Variants in NDUFS4 observed in about 807,000 individuals in gnomAD.
NDUFS4 encodes the protein NADH dehydrogenase [ubiquinone] iron-sulfur protein 4, mitochondrial.
Under a neutral mutation model 24.3 loss-of-function variants are expected in NDUFS4, and 28 were observed. That is an observed-to-expected ratio of 1.15 (90% CI 0.85 to 1.58). The LOEUF is 1.58. Among genes scored for constraint, NDUFS4 ranks in the 40% most tolerant of loss-of-function variants. The pLI is 0.00. For missense variants in NDUFS4, 223 were observed against 207.9 expected, an observed-to-expected ratio of 1.07 and a Z score of -0.45; for synonymous variants, 93 against 69.7, an observed-to-expected ratio of 1.34 and a Z score of -1.67.
chr5:53,633,117 A>C (rs919227024), intron 2 of NDUFS4, among the ~76,000 whole-genome samples: 1 of 152,194 alleles, frequency 6.6e-6, no homozygotes, highest in Admixed American at 6.5e-5. Flanking sequence ...TATACTTGAC[A>C]TTGTAATTCA....
chr5:53,623,365 A>G (rs774013992), intron 2 of NDUFS4, among the ~76,000 whole-genome samples: 2 of 152,186 alleles, frequency 1.3e-5, no homozygotes, highest in African/African-American at 4.8e-5. Context: ...TTCTTAATAA[A>G]TTAGTGATGT....
At chr5:53,576,683 A>T (rs192128565) in intron 1 of NDUFS4, among the ~76,000 whole-genome samples, 19 of 152,368 alleles carry the variant, frequency 1.2e-4, no homozygotes, top group South Asian at 8.3e-4. Context: ...GTATGAATAT[A>T]GATCATAGGA....
At chr5:53,595,747 ATCTT>A (rs1428178227) in intron 1 of NDUFS4, among the ~76,000 whole-genome samples, 3 of 152,106 alleles carry the variant, frequency 2.0e-5, no homozygotes, top group Non-Finnish European at 2.9e-5. Context: ...TCTTGCACAA[ATCTT>A]TCTTTAATCT....
intron 1 of NDUFS4, among the ~76,000 whole-genome samples, chr5:53,580,510 G>C (rs1040334816): frequency 5.9e-5 from 9 of 152,142 alleles, no homozygotes; most frequent in African/African-American, 2.2e-4. Flanking sequence ...ATGTGATTCT[G>C]TATCTTTTCC....
intron 1 of NDUFS4, among the ~76,000 whole-genome samples, chr5:53,572,719 C>T (rs969854372): frequency 6.6e-6 from 1 of 150,980 alleles, no homozygotes; most frequent in African/African-American, 2.4e-5. Flanking sequence ...TCTTGGCTTA[C>T]TGCAACCTCT....
At chr5:53,602,716 A>G (rs1750364714) in intron 1 of NDUFS4, among the ~76,000 whole-genome samples, 1 of 152,224 alleles carries the variant, frequency 6.6e-6, no homozygotes, top group African/African-American at 2.4e-5. Context: ...TCTATGTCAG[A>G]TAGCCTAATA....
At chr5:53,626,415 C>A (rs2112483881) in intron 2 of NDUFS4, among the ~76,000 whole-genome samples, 1 of 152,250 alleles carries the variant, frequency 6.6e-6, no homozygotes, top group Middle Eastern at 3.4e-3. Context: ...ATTGCTGGGT[C>A]AAATGGTATT....
At chr5:53,607,358 C>CTATG (rs1312186970) in intron 2 of NDUFS4, among the ~76,000 whole-genome samples, 1 of 152,168 alleles carries the variant, frequency 6.6e-6, no homozygotes, top group Admixed American at 6.5e-5. Flanking sequence ...ACATTGTGTA[C>CTATG]TATGCTCAAT....
intron 1 of NDUFS4, among the ~76,000 whole-genome samples, chr5:53,568,017 ATAATT>A (rs1749092149): frequency 1.3e-5 from 2 of 152,176 alleles, no homozygotes; most frequent in African/African-American, 4.8e-5. Context: ...AAACATATGA[ATAATT>A]TAATAAACTA....
intron 4 of NDUFS4, among the ~76,000 whole-genome samples, chr5:53,669,833 C>T (rs530485945): frequency 1.3e-4 from 20 of 152,190 alleles, no homozygotes; most frequent in Non-Finnish European, 1.6e-4. Context: ...AATTTAGTAA[C>T]GTTGTAAATG....
At chr5:53,643,156 G>T (rs1751751367) in intron 2 of NDUFS4, among the ~76,000 whole-genome samples, 1 of 151,984 alleles carries the variant, frequency 6.6e-6, no homozygotes, top group Non-Finnish European at 1.5e-5. Context: ...GAGTCTTGAG[G>T]TTCTTCAGGT....
At chr5:53,595,597 A>G (rs991743574) in intron 1 of NDUFS4, among the ~76,000 whole-genome samples, 5 of 152,122 alleles carry the variant, frequency 3.3e-5, no homozygotes, top group Non-Finnish European at 7.4e-5. Context: ...ATGTAGATAC[A>G]TTTCTTTCTC....
chr5:53,579,996 T>C (rs1381878229), intron 1 of NDUFS4, among the ~76,000 whole-genome samples: 1 of 152,210 alleles, frequency 6.6e-6, no homozygotes, highest in South Asian at 2.1e-4. Flanking sequence ...ATATTAGCCC[T>C]GTGAGACTGA....
chr5:53,573,521 A>T (rs1749284549), intron 1 of NDUFS4: 1 of 442,066 alleles, frequency 2.3e-6, no homozygotes, highest in Admixed American at 2.5e-5. Flanking sequence ...GTTTCGTTAG[A>T]TTTATGCCTA....
chr5:53,604,622 C>G, intron 2 of NDUFS4: 1 of 384,220 alleles, frequency 2.6e-6, no homozygotes, highest in South Asian at 2.0e-5. Flanking sequence ...TTGTCACCCT[C>G]TTTTCGTCCT....
chr5:53,562,114 C>A (rs1192898793), intron 1 of NDUFS4, among the ~76,000 whole-genome samples: 1 of 152,060 alleles, frequency 6.6e-6, no homozygotes, highest in East Asian at 1.9e-4. Flanking sequence ...AGCAGTTCTC[C>A]TGCCGCAGCC....
chr5:53,578,849 A>G (rs1338664602), intron 1 of NDUFS4, among the ~76,000 whole-genome samples: 1 of 151,644 alleles, frequency 6.6e-6, no homozygotes, highest in Non-Finnish European at 1.5e-5. Context: ...CTAGATTCCA[A>G]TTTCGTGTTT....
Position 53,622,057 on chromosome 5 carries a change from G to T in NDUFS4, c.177+18527G>T, listed in dbSNP as rs548885121. ...TTTTAAATAAATTTAGAAGTGAGAA[G>T]AAAAATCTTTTGTACTTACTCACAA... On this transcript the variant is annotated intron_variant, in intron 2 of 4. Transcript: ENST00000296684. Among the ~76,000 whole-genome samples the T allele has an allele frequency of 9.9e-5, 15 of 152,120 alleles. No individual in the cohort carries two copies. In the South Asian group the frequency reaches 2.7e-3, roughly 27 times the overall value.
At chr5:53,652,377 A>G (rs1209780076) in intron 3 of NDUFS4, among the ~76,000 whole-genome samples, 2 of 152,202 alleles carry the variant, frequency 1.3e-5, no homozygotes, top group African/African-American at 4.8e-5. Context: ...TAATTTTTTA[A>G]TTTTACAGTA....
Sources: gnomAD v4.1 joint callset for allele counts (sites outside exome capture counted in the v4.1 genomes callset) on GRCh38, gnomAD v4.1.1 for gene constraint, MANE v1.5 for transcripts, NCBI Gene and HGNC (gene_info 2026-07-23, HGNC 2026-07-21) for gene names.